NCOR2: variants seen among roughly 807,000 people sequenced by gnomAD.
The protein encoded by NCOR2 is CTG repeat protein 26.
A neutral mutation model predicts 262.9 loss-of-function variants in NCOR2; 81 were observed. The observed-to-expected ratio is 0.31, with a 90% confidence interval of 0.26 to 0.37. The LOEUF is 0.37. NCOR2 is among the 10% of genes least tolerant of loss of function. NCOR2 has a pLI of 1.00. For missense variants in NCOR2, 3,385 were observed against 3,621.4 expected (o/e 0.93, Z 1.68); for synonymous variants, 1,659 against 1,559.3 (o/e 1.06, Z -1.51).
chr12:124,385,689 T>G, intron 17 of NCOR2, 56 bp downstream of exon 19: 2 of 1,597,908 alleles, frequency 1.3e-6, no homozygotes, highest in Non-Finnish European at 1.7e-6. Context: ...CCTGAGGCAG[T>G]CTGGGCTCCT....
intron 13 of NCOR2, among the ~76,000 whole-genome samples, chr12:124,404,330 C>G (rs1397861292): frequency 6.6e-6 from 1 of 152,186 alleles, no homozygotes; most frequent in Non-Finnish European, 1.5e-5. Context: ...CTGGGCAGGG[C>G]CGGGGCTTTT....
In NCOR2 at chr12:124,482,838, G is replaced by A. The variant is rs1018505508; in HGVS notation, c.411+758C>T. Reference sequence around the variant, plus strand: ...GGTCCCTCAGGCCTGGGTGGCTGCAGACTCAACCCACGCTAGCCCAGTGCC... The same window carrying A: ...GGTCCCTCAGGCCTGGGTGGCTGCAAACTCAACCCACGCTAGCCCAGTGCC... On this transcript the variant is annotated intron_variant, in intron 3 of 46. Coordinates refer to ENST00000405201, the Ensembl canonical transcript of NCOR2. This position sits in a 1 kb window ranked among gnomAD's most constrained non-coding sequence, Gnocchi z 6.3. Among the ~76,000 whole-genome samples, 6 of 152,264 alleles carry A rather than the reference G, an allele frequency of 3.9e-5. No individual in the cohort carries two copies. The highest frequency in any genetic ancestry group is 2.1e-4 in the South Asian group (1 of 4,828).
chr12:124,482,178 G>T lies in NCOR2; in HGVS notation c.411+1418C>A, dbSNP rs1264576289. ...ACCTCCACTTTCCTGTGACAACTTGGTGAGGCGGGGACTGCCCCAGTGGCA... is the reference window on the plus strand; with the variant it reads ...ACCTCCACTTTCCTGTGACAACTTGTTGAGGCGGGGACTGCCCCAGTGGCA... On this transcript the variant is annotated intron_variant, in intron 3 of 46. Coordinates refer to ENST00000405201, the Ensembl canonical transcript of NCOR2. The surrounding 1 kb of genome is among the most constrained non-coding windows in gnomAD (Gnocchi z 6.3). 1.3e-5 allele frequency among the ~76,000 whole-genome samples: 2 copies of T among 152,146 alleles called. No homozygotes were observed. The highest frequency in any genetic ancestry group is 4.8e-5 in the African/African-American group (2 of 41,426).
At chr12:124,456,157 T>G (rs1419948214) in intron 6 of NCOR2, among the ~76,000 whole-genome samples, 1 of 152,262 alleles carries the variant, frequency 6.6e-6, no homozygotes, top group East Asian at 1.9e-4. Context: ...ATTACAGGTA[T>G]GAGCCACTAC....
intron 1 of NCOR2, among the ~76,000 whole-genome samples, chr12:124,558,271 C>T (rs145548323): frequency 9.9e-5 from 15 of 151,418 alleles, no homozygotes; most frequent in Admixed American, 8.5e-4. Context: ...CACCCACCCC[C>T]CCTCCAGACC....
intron 1 of NCOR2, among the ~76,000 whole-genome samples, chr12:124,526,100 C>A (rs145885693): frequency 6.6e-6 from 1 of 152,264 alleles, no homozygotes; most frequent in Non-Finnish European, 1.5e-5. Context: ...ACACATTAGT[C>A]CCTCCAAGAT....
exon 47 of NCOR2, chr12:124,324,494 G>C (rs187580933): frequency 2.0e-5 from 3 of 152,290 alleles, no homozygotes; most frequent in Admixed American, 2.0e-4. Flanking sequence ...GGCGGCCACA[G>C]AATACGCATC....
intron 16 of NCOR2, chr12:124,388,928 T>G: frequency 3.6e-5 from 8 of 220,122 alleles, no homozygotes; most frequent in South Asian, 5.1e-5. Context: ...GGGCGGAGGC[T>G]GGCTCGAGAG....
chr12:124,461,629 G>A (rs770693242), intron 5 of NCOR2, among the ~76,000 whole-genome samples: 22 of 152,286 alleles, frequency 1.4e-4, no homozygotes, highest in African/African-American at 3.6e-4. Flanking sequence ...CAAGGCGCAC[G>A]CACATACACA....
intron 28 of NCOR2, among the ~76,000 whole-genome samples, chr12:124,349,885 C>A (rs2037290199): frequency 6.6e-6 from 1 of 152,186 alleles, no homozygotes; most frequent in South Asian, 2.1e-4. Flanking sequence ...GCAGGCCTGT[C>A]TCCAAGGCTA....
At chr12:124,380,541 C>T (rs888842280) in intron 17 of NCOR2, among the ~76,000 whole-genome samples, 44 of 152,212 alleles carry the variant, frequency 2.9e-4, no homozygotes, top group Admixed American at 2.0e-3. Flanking sequence ...CAGGAGAGTT[C>T]GAGCCTGTGG....
intron 1 of NCOR2, among the ~76,000 whole-genome samples, chr12:124,565,288 G>A (rs1183563854): frequency 6.6e-6 from 1 of 152,146 alleles, no homozygotes; most frequent in African/African-American, 2.4e-5. Context: ...GACTCCCCCG[G>A]CACCCGCTGG....
chr12:124,356,938 G>A, intron 22 of NCOR2, 156 bp from the exon 25 acceptor site: 1 of 907,512 alleles, frequency 1.1e-6, no homozygotes. Context: ...AAGTCTGCCT[G>A]CCTGGGCGCT....
chr12:124,360,712 G>C (rs559089710), intron 22 of NCOR2, among the ~76,000 whole-genome samples: 1 of 142,338 alleles, frequency 7.0e-6, no homozygotes, highest in Non-Finnish European at 1.5e-5. Flanking sequence ...CACCCCGAGC[G>C]TGTTTCCACA....
At chr12:124,472,911 G>A (rs1169924048) in intron 4 of NCOR2, 41 bp downstream of exon 6, 1 of 1,608,678 alleles carries the variant, frequency 6.2e-7, no homozygotes. Flanking sequence ...CTAGAATGGA[G>A]ACTCAGAACA....
chr12:124,348,556 T>G, intron 28 of NCOR2: 1 of 558,018 alleles, frequency 1.8e-6, no homozygotes, highest in African/African-American at 1.9e-5. Flanking sequence ...GCACGCTGCC[T>G]GCACCCTGTA....
At chr12:124,346,976 C>T in intron 30 of NCOR2, 126 bp from the exon 33 acceptor site, 4 of 1,193,476 alleles carry the variant, frequency 3.4e-6, no homozygotes, top group East Asian at 3.0e-5. Flanking sequence ...TGACCTTGAC[C>T]AGGAAATCTG....
Position 124,566,742 on chromosome 12 carries a change from G to A in NCOR2, c.-165+566C>T, listed in dbSNP as rs2052254577. ...GGCCCGCGGGGGAGGGGGACCAGGG[G>A]CGACTCTCCCGAGGGACCCCGCCCA... On this transcript the variant is annotated intron_variant, in intron 1 of 32. Coordinates refer to the NCOR2 transcript ENST00000458234. The surrounding 1 kb of genome is among the most constrained non-coding windows in gnomAD (Gnocchi z 4.3). 6.6e-6 allele frequency among the ~76,000 whole-genome samples: 1 copy of A among 152,162 alleles called. No individual in the cohort carries two copies. Among genetic ancestry groups the A allele is most frequent in the African/African-American group, 2.4e-5 (1 of 41,440 alleles).
At chr12:124,447,219 T>A (rs572678907) in intron 7 of NCOR2, among the ~76,000 whole-genome samples, 1 of 152,382 alleles carries the variant, frequency 6.6e-6, no homozygotes, top group Admixed American at 6.5e-5. Flanking sequence ...CCAGCACATC[T>A]AGTTGTTTTA....
Sources: gnomAD v4.1 joint callset for allele counts (sites outside exome capture counted in the v4.1 genomes callset) on GRCh38, gnomAD v4.1.1 for gene constraint, Gnocchi (gnomAD v3.1) non-coding constraint, MANE v1.5 for transcripts, NCBI Gene and HGNC (gene_info 2026-07-23, HGNC 2026-07-21) for gene names.